The following MAPK14 variants were observed in gnomAD, a reference collection of about 807,000 sequenced individuals.
MAPK14 encodes the protein CSAID-binding protein.
A neutral mutation model predicts 49.6 loss-of-function variants in MAPK14; 16 were observed. The ratio of observed to expected loss-of-function variants is 0.32; its 90% confidence interval spans 0.22 to 0.49. The LOEUF (loss-of-function observed/expected upper bound fraction) is 0.49. Ranked by LOEUF, MAPK14 falls within the 20% of genes least tolerant of loss-of-function variation. The probability of loss-of-function intolerance (pLI) is 0.99; values close to 1 mark genes in which losing one functional copy is unlikely to be tolerated. For synonymous variants in MAPK14, 142 were observed against 158.0 expected, an observed-to-expected ratio of 0.90 and a Z score of 0.76; for missense variants, 200 against 441.2, an observed-to-expected ratio of 0.45 and a Z score of 4.90.
At chr6:36,121,298 C>G in the MAPK14 span, among the ~76,000 whole-genome samples, 1 of 152,216 alleles carries the variant, frequency 6.6e-6, no homozygotes, top group Non-Finnish European at 1.5e-5. Flanking sequence ...CCACTGAGAG[C>G]TACCGGGGGT....
In MAPK14 at chr6:36,065,507, G is replaced by GGTGTGTGTGTGTGTGTGTGTGTGTGT. The variant is rs386358922; in HGVS notation, c.305+6175_305+6200dup. Among the ~76,000 whole-genome samples, 227 of 122,514 alleles carry GGTGTGTGTGTGTGTGTGTGTGTGTGT rather than the reference G, an allele frequency of 1.9e-3. 4 individuals are homozygous for GGTGTGTGTGTGTGTGTGTGTGTGTGT. The highest frequency in any genetic ancestry group is 2.6e-3 in the Non-Finnish European group (152 of 57,912). 80.4% of individuals were successfully genotyped at this position (122,514 alleles called of 152,430 possible). The stretch of plus-strand genomic sequence containing the variant: ...GAGAGAGGGAGCTGAGGGCAGAAAA[G>GGTGTGTGTGTGTGTGTGTGTGTGTGT]GTGTGTGTGTGTGTGTGTGTGTGTG... On this transcript the variant is annotated intron_variant, in intron 3 of 11. Transcript: ENST00000229794.
intron 9 of MAPK14, chr6:36,097,399 A>G (rs1006069693): frequency 6.6e-6 from 1 of 152,136 alleles, no homozygotes; most frequent in African/African-American, 2.4e-5. Context: ...CTAAAGAGGT[A>G]TTTTTTTCTC....
intron 3 of MAPK14, among the ~76,000 whole-genome samples, chr6:36,071,504 T>C (rs1764272313): frequency 6.6e-6 from 1 of 152,194 alleles, no homozygotes; most frequent in African/African-American, 2.4e-5. Flanking sequence ...ATGGGATTAA[T>C]AACCAGCACC....
chr6:36,048,671 A>AC (rs1038644324), intron 1 of MAPK14, among the ~76,000 whole-genome samples: 23 of 152,326 alleles, frequency 1.5e-4, no homozygotes, highest in African/African-American at 5.3e-4. Flanking sequence ...ATCAAGGATG[A>AC]CAATCAAATG....
At chr6:36,070,006 T>G (rs906780610) in intron 3 of MAPK14, among the ~76,000 whole-genome samples, 2 of 152,212 alleles carry the variant, frequency 1.3e-5, no homozygotes, top group South Asian at 4.1e-4. Context: ...AGTAGTCTTA[T>G]ATGACCGAAA....
At position 36,094,689 on chromosome 6, in the gene MAPK14, A is replaced by G. The variant is rs560970866; in HGVS notation, c.683-1298A>G. On this transcript the variant is annotated intron_variant, in intron 8 of 11. Coordinates refer to ENST00000229794, the MANE Select transcript of MAPK14 (RefSeq NM_139012.3). ...TACCTTTTCCTCAAATATTTTGACTACCTGTCATGTACCAGATGTTAGGCT... is the reference window on the plus strand; with the variant it reads ...TACCTTTTCCTCAAATATTTTGACTGCCTGTCATGTACCAGATGTTAGGCT... Among the ~76,000 whole-genome samples, 3 of 152,330 alleles carry G rather than the reference A, an allele frequency of 2.0e-5. No individual in the cohort carries two copies. In the South Asian group the frequency reaches 6.2e-4, roughly 32 times the overall value.
At chr6:36,043,996 G>A (rs1268183075) in intron 1 of MAPK14, among the ~76,000 whole-genome samples, 1 of 151,474 alleles carries the variant, frequency 6.6e-6, no homozygotes, top group African/African-American at 2.4e-5. Context: ...TTTTAGTAGA[G>A]ACGGGATTTC....
At chr6:36,078,784 T>G (rs1052833763) in intron 8 of MAPK14, among the ~76,000 whole-genome samples, 1 of 152,262 alleles carries the variant, frequency 6.6e-6, no homozygotes, top group Non-Finnish European at 1.5e-5. Flanking sequence ...ATACTTAACC[T>G]TTCTCTTGTA....
the MAPK14 span, among the ~76,000 whole-genome samples, chr6:36,124,000 C>T: frequency 6.6e-6 from 1 of 151,870 alleles, no homozygotes; most frequent in Non-Finnish European, 1.5e-5. Flanking sequence ...GTCCCCACCC[C>T]CGTCTTCCAC....
At chr6:36,058,904 A>G (rs1274924590) in intron 2 of MAPK14, among the ~76,000 whole-genome samples, 2 of 145,516 alleles carry the variant, frequency 1.4e-5, no homozygotes, top group Non-Finnish European at 3.0e-5. Flanking sequence ...TTTTTGAGAC[A>G]GAGTCTCACT....
intron 7 of MAPK14, 95 bp from the exon 8 acceptor site, chr6:36,076,442 A>C: frequency 1.2e-6 from 1 of 853,520 alleles, no homozygotes; most frequent in Non-Finnish European, 2.0e-6. Flanking sequence ...TTAAATAGTA[A>C]TTTGAATATT....
At chr6:36,081,396 TC>T (rs1764754782) in intron 8 of MAPK14, among the ~76,000 whole-genome samples, 1 of 152,186 alleles carries the variant, frequency 6.6e-6, no homozygotes, top group African/African-American at 2.4e-5. Flanking sequence ...CCAACTTCAT[TC>T]TTTTGCATCT....
At chr6:36,063,559 A>C (rs1763916484) in intron 3 of MAPK14, among the ~76,000 whole-genome samples, 1 of 152,216 alleles carries the variant, frequency 6.6e-6, no homozygotes, top group South Asian at 2.1e-4. Context: ...ACTGCATTCC[A>C]GCCCAGGTGA....
chr6:36,088,504 C>T (rs996945793), intron 8 of MAPK14, among the ~76,000 whole-genome samples: 8 of 152,036 alleles, frequency 5.3e-5, no homozygotes, highest in African/African-American at 1.7e-4. Flanking sequence ...AGGTGGATCA[C>T]GAGGTCAGGA....
At chr6:36,111,808 C>G (rs947762740), downstream of MAPK14, among the ~76,000 whole-genome samples, 1 of 152,108 alleles carries the variant, frequency 6.6e-6, no homozygotes, top group African/African-American at 2.4e-5. Flanking sequence ...AGGCAGTGAT[C>G]GAAGGCAGAC....
At chr6:36,068,227 T>C (rs1171576774) in intron 3 of MAPK14, among the ~76,000 whole-genome samples, 1 of 151,996 alleles carries the variant, frequency 6.6e-6, no homozygotes, top group Non-Finnish European at 1.5e-5. Context: ...GACTGCATGA[T>C]ATATTGGAAC....
intron 9 of MAPK14, among the ~76,000 whole-genome samples, chr6:36,099,460 CTGTT>C (rs1428341309): frequency 1.3e-5 from 2 of 152,200 alleles, no homozygotes; most frequent in African/African-American, 4.8e-5. Context: ...TTCCCTCCAG[CTGTT>C]TGTTAAATGA....
Position 36,028,790 on chromosome 6 carries a change from C to CTTTTT in MAPK14, c.116+517_116+518insTTTTT, listed in dbSNP as rs1562090295. On this transcript the variant is annotated intron_variant, in intron 1 of 11. Transcript: ENST00000229794. The surrounding 1 kb of genome is among the most constrained non-coding windows in gnomAD (Gnocchi z 5.1). ...GACCAGGAAGGGAGCTCTCTCCGGG[C>CTTTTT]CTTTTTTTTTTTTTTTTTTTTTCAA... Among the ~76,000 whole-genome samples, 6 of 137,480 alleles carry CTTTTT rather than the reference C, an allele frequency of 4.4e-5. No homozygotes were observed. The highest frequency in any genetic ancestry group is 1.7e-4 in the African/African-American group (6 of 35,264). 90.2% of individuals were successfully genotyped at this position (137,480 alleles called of 152,430 possible).
intron 7 of MAPK14, among the ~76,000 whole-genome samples, chr6:36,076,170 TG>T (rs1208103031): frequency 6.6e-6 from 1 of 152,208 alleles, no homozygotes; most frequent in African/African-American, 2.4e-5. Flanking sequence ...ATTTAGCAAT[TG>T]GGTTTTTATT....
Sources: gnomAD v4.1 joint callset for allele counts (sites outside exome capture counted in the v4.1 genomes callset) on GRCh38, gnomAD v4.1.1 for gene constraint, Gnocchi (gnomAD v3.1) non-coding constraint, MANE v1.5 for transcripts, NCBI Gene and HGNC (gene_info 2026-07-23, HGNC 2026-07-21) for gene names.